Variants in FCHSD2 observed in about 807,000 individuals in gnomAD.
The protein encoded by FCHSD2 is FCH and double SH3 domains 2, also known as F-BAR and double SH3 domains protein 2.
A neutral mutation model predicts 108.1 loss-of-function variants in FCHSD2; 38 were observed. The ratio of observed to expected loss-of-function variants is 0.35; its 90% confidence interval spans 0.27 to 0.46. The LOEUF (loss-of-function observed/expected upper bound fraction) is 0.46. Ranked by LOEUF, FCHSD2 falls within the 20% of genes least tolerant of loss-of-function variation. The pLI is 1.00. For synonymous variants in FCHSD2, 279 were observed against 314.7 expected (o/e 0.89, Z 1.20); for missense variants, 751 against 897.8 (o/e 0.84, Z 2.09).
At chr11:72,982,295 C>A (rs1418693903) in intron 8 of FCHSD2, among the ~76,000 whole-genome samples, 1 of 152,174 alleles carries the variant, frequency 6.6e-6, no homozygotes, top group Non-Finnish European at 1.5e-5. Context: ...CAGTTTCTGG[C>A]CAGAGTTGAC....
At chr11:73,084,838 T>C (rs1283643183) in intron 2 of FCHSD2, among the ~76,000 whole-genome samples, 1 of 152,142 alleles carries the variant, frequency 6.6e-6, no homozygotes, top group East Asian at 1.9e-4. Flanking sequence ...CAAAATGTGG[T>C]ACTACTGACA....
chr11:72,915,127 C>A (rs1472767955), intron 9 of FCHSD2, among the ~76,000 whole-genome samples: 1 of 151,484 alleles, frequency 6.6e-6, no homozygotes, highest in East Asian at 1.9e-4. Flanking sequence ...TACATGTGGC[C>A]AGCAATCATA....
intron 2 of FCHSD2, among the ~76,000 whole-genome samples, chr11:73,086,640 C>G (rs999790726): frequency 6.6e-6 from 1 of 151,998 alleles, no homozygotes; most frequent in African/African-American, 2.4e-5. Flanking sequence ...CAAACTTTAC[C>G]TAGGACTTAG....
chr11:72,964,521 A>G (rs1385447301), intron 8 of FCHSD2, among the ~76,000 whole-genome samples: 1 of 152,134 alleles, frequency 6.6e-6, no homozygotes, highest in Non-Finnish European at 1.5e-5. Flanking sequence ...TCATTCCTTA[A>G]GGGCAAGGGC....
chr11:73,044,143 A>G (rs898500938), intron 3 of FCHSD2, among the ~76,000 whole-genome samples: 2 of 152,216 alleles, frequency 1.3e-5, no homozygotes, highest in Non-Finnish European at 2.9e-5. Context: ...GCCTGCTACT[A>G]TATGTCACCT....
chr11:73,110,877 T>G (rs1860467351), intron 2 of FCHSD2, among the ~76,000 whole-genome samples: 2 of 152,176 alleles, frequency 1.3e-5, no homozygotes, highest in Admixed American at 6.5e-5. Context: ...GTTTCCATTA[T>G]CATTTGTTTT....
intron 8 of FCHSD2, among the ~76,000 whole-genome samples, chr11:72,943,237 C>A (rs1856456654): frequency 6.6e-6 from 1 of 152,152 alleles, no homozygotes; most frequent in Non-Finnish European, 1.5e-5. Flanking sequence ...ATGTGATCTG[C>A]CCACCTCTAC....
At chr11:72,995,793 T>C (rs991452923) in intron 5 of FCHSD2, among the ~76,000 whole-genome samples, 4 of 151,468 alleles carry the variant, frequency 2.6e-5, no homozygotes, top group African/African-American at 9.7e-5. Flanking sequence ...ATAACTTGAA[T>C]ATAAGAATAC....
chr11:73,058,184 T>C (rs1471470372), intron 3 of FCHSD2, among the ~76,000 whole-genome samples: 1 of 152,126 alleles, frequency 6.6e-6, no homozygotes, highest in Admixed American at 6.6e-5. Context: ...TGGCCAATTC[T>C]GTATTCTTTA....
chr11:72,905,888 G>A (rs570289293), intron 9 of FCHSD2, among the ~76,000 whole-genome samples: 37 of 152,236 alleles, frequency 2.4e-4, no homozygotes, highest in Middle Eastern at 3.4e-3. Flanking sequence ...GAATAGTGCC[G>A]CAATAAACAT....
At chr11:72,917,557 T>A (rs951106928) in intron 9 of FCHSD2, among the ~76,000 whole-genome samples, 20 of 152,188 alleles carry the variant, frequency 1.3e-4, no homozygotes, top group Non-Finnish European at 4.4e-5. Flanking sequence ...TCAATATTGT[T>A]TAAACTATTC....
At chr11:73,068,170 G>A (rs1358462676) in intron 3 of FCHSD2, among the ~76,000 whole-genome samples, 1 of 152,036 alleles carries the variant, frequency 6.6e-6, no homozygotes, top group South Asian at 2.1e-4. Context: ...TGAGATTTGG[G>A]TGGGGGCACA....
intron 2 of FCHSD2, among the ~76,000 whole-genome samples, chr11:73,114,636 A>G (rs1860564158): frequency 6.6e-6 from 1 of 151,986 alleles, no homozygotes; most frequent in Admixed American, 6.6e-5. Context: ...AGGGCACTTT[A>G]GTCAGCAGGT....
intron 2 of FCHSD2, among the ~76,000 whole-genome samples, chr11:73,087,332 A>T (rs939111031): frequency 1.3e-5 from 2 of 152,204 alleles, no homozygotes; most frequent in African/African-American, 4.8e-5. Flanking sequence ...AAAAGTCAAA[A>T]AAGTTTTTTT....
chr11:72,847,417 C>T (rs191888101), intron 14 of FCHSD2, among the ~76,000 whole-genome samples: 40 of 152,314 alleles, frequency 2.6e-4, no homozygotes, highest in Middle Eastern at 3.4e-3. Flanking sequence ...TGACCTACTA[C>T]GTGCTGGGCA....
intron 3 of FCHSD2, among the ~76,000 whole-genome samples, chr11:73,022,884 C>A (rs528590123): frequency 6.6e-6 from 1 of 152,146 alleles, no homozygotes; most frequent in East Asian, 1.9e-4. Context: ...CAGAAATAGA[C>A]CCATACAAAT....
chr11:73,023,739 T>C (rs1858162942), intron 3 of FCHSD2, among the ~76,000 whole-genome samples: 1 of 152,218 alleles, frequency 6.6e-6, no homozygotes, highest in Non-Finnish European at 1.5e-5. Context: ...GCTTTATTGA[T>C]AAACTTGGCA....
At chr11:72,942,907 A>G (rs1856448335) in intron 8 of FCHSD2, among the ~76,000 whole-genome samples, 1 of 152,130 alleles carries the variant, frequency 6.6e-6, no homozygotes. Context: ...GCTTCCAAGT[A>G]GTTAGGACTA....
At chr11:72,923,958 T>C (rs1856025073) in intron 8 of FCHSD2, among the ~76,000 whole-genome samples, 1 of 152,062 alleles carries the variant, frequency 6.6e-6, no homozygotes, top group African/African-American at 2.4e-5. Context: ...AATAAATAAA[T>C]AAAGTTGTCT....
Sources: gnomAD v4.1 joint callset for allele counts (sites outside exome capture counted in the v4.1 genomes callset) on GRCh38, gnomAD v4.1.1 for gene constraint, MANE v1.5 for transcripts, NCBI Gene and HGNC (gene_info 2026-07-23, HGNC 2026-07-21) for gene names.